PLXNA2: variants seen among roughly 807,000 people sequenced by gnomAD.
PLXNA2 encodes the protein plexin-A2.
PLXNA2 carries 91 observed loss-of-function variants against 193.5 expected under a neutral mutation model. The observed-to-expected ratio is 0.47, with a 90% CI of 0.40 to 0.56. The LOEUF (loss-of-function observed/expected upper bound fraction) is 0.56. PLXNA2 is among the 20% of genes least tolerant of loss of function. The probability of loss-of-function intolerance (pLI) is 0.00; values close to 1 mark genes in which losing one functional copy is unlikely to be tolerated. For synonymous variants in PLXNA2, 997 were observed against 1,027.3 expected, an observed-to-expected ratio of 0.97 and a Z score of 0.56; for missense variants, 1,995 against 2,503.2, an observed-to-expected ratio of 0.80 and a Z score of 4.33.
intron 4 of PLXNA2, among the ~76,000 whole-genome samples, chr1:208,118,040 A>G (rs564851484): frequency 1.3e-5 from 2 of 152,316 alleles, no homozygotes; most frequent in South Asian, 2.1e-4. Context: ...AAGAGACAGT[A>G]GGAGACAGCA....
intron 3 of PLXNA2, among the ~76,000 whole-genome samples, chr1:208,202,462 A>G (rs1670581567): frequency 6.6e-6 from 1 of 152,190 alleles, no homozygotes; most frequent in Non-Finnish European, 1.5e-5. Flanking sequence ...CTCAGAGGTC[A>G]CACAGCTAGT....
At chr1:208,071,799 G>A (rs1409016469) in intron 12 of PLXNA2, among the ~76,000 whole-genome samples, 2 of 152,308 alleles carry the variant, frequency 1.3e-5, no homozygotes, top group African/African-American at 2.4e-5. Context: ...TCAGAGTGCC[G>A]GCTTGTTTCT....
intron 3 of PLXNA2, among the ~76,000 whole-genome samples, chr1:208,181,163 T>C (rs994784656): frequency 6.6e-6 from 1 of 152,200 alleles, no homozygotes; most frequent in African/African-American, 2.4e-5. Context: ...TCAGAGAGGC[T>C]TCATGCTGGC....
In PLXNA2 at chr1:208,133,116, G is replaced by A. The variant is rs185796898; in HGVS notation, c.1506+9213C>T. On this transcript the variant is annotated intron_variant, in intron 4 of 31. Coordinates refer to ENST00000367033, the MANE Select transcript of PLXNA2 (RefSeq NM_025179.4). ...GGCTGCTCTTCACTAGAGAATCTCT[G>A]GATAAACCAGCTCTGGATTCTTGTG... Among the ~76,000 whole-genome samples the A allele has an allele frequency of 3.8e-3, 583 of 152,274 alleles. 4 individuals carry two copies. Among genetic ancestry groups the A allele is most frequent in the African/African-American group, 0.012 (501 of 41,540 alleles).
intron 4 of PLXNA2, among the ~76,000 whole-genome samples, chr1:208,127,113 T>C (rs1226927997): frequency 2.6e-5 from 4 of 152,144 alleles, no homozygotes; most frequent in Admixed American, 1.3e-4. Flanking sequence ...TTCTCCAAAT[T>C]TGAGGGAGGC....
At chr1:208,226,999 C>T (rs1050519207) in intron 1 of PLXNA2, among the ~76,000 whole-genome samples, 2 of 152,236 alleles carry the variant, frequency 1.3e-5, no homozygotes, top group African/African-American at 4.8e-5. Context: ...CCCACCTCTT[C>T]CCTGATTCTA....
rs1224511958 is a variant in PLXNA2 at position 208,039,678 on chromosome 1, G to A, written c.4443C>T (p.Ala1481=). Residue 1481 remains alanine (A), a synonymous_variant, in exon 24 of 32, where the codon GCC becomes GCT. Coordinates refer to ENST00000367033, the MANE Select transcript of PLXNA2 (RefSeq NM_025179.4). ...KGPIDAITGE[A]RYSLSEDKLI... Reference sequence around the variant, plus strand: ...GCTTGTCCTCGCTCAGGGAGTAGCGGGCCTCGCCCGTGATGGCATCAATGG... The same window carrying A: ...GCTTGTCCTCGCTCAGGGAGTAGCGAGCCTCGCCCGTGATGGCATCAATGG... 1.2e-6 allele frequency: 2 copies of A among 1,614,176 alleles called. No homozygotes were observed. Among genetic ancestry groups the A allele is most frequent in the Admixed American group, 3.3e-5 (2 of 60,024 alleles).
At chr1:208,059,992 A>C (rs1665564605) in intron 13 of PLXNA2, among the ~76,000 whole-genome samples, 1 of 152,112 alleles carries the variant, frequency 6.6e-6, no homozygotes, top group African/African-American at 2.4e-5. Flanking sequence ...GTGGAATCAG[A>C]ATGGTTTGAC....
chr1:208,138,957 G>A (rs1260509627), intron 4 of PLXNA2, among the ~76,000 whole-genome samples: 1 of 152,220 alleles, frequency 6.6e-6, no homozygotes, highest in African/African-American at 2.4e-5. Context: ...AACCCAGGAG[G>A]CGGAGGTTGC....
chr1:208,123,581 G>A (rs1571942238), intron 4 of PLXNA2, among the ~76,000 whole-genome samples: 2 of 152,160 alleles, frequency 1.3e-5, no homozygotes, highest in Admixed American at 6.5e-5. Context: ...AATGTTAAGA[G>A]ACAAATAAGG....
intron 12 of PLXNA2, among the ~76,000 whole-genome samples, chr1:208,070,397 C>T (rs955030223): frequency 6.6e-6 from 1 of 152,214 alleles, no homozygotes; most frequent in Admixed American, 6.5e-5. Context: ...ATCCACACTC[C>T]CCTCTTGGCC....
intron 26 of PLXNA2, among the ~76,000 whole-genome samples, chr1:208,036,123 T>A (rs1240009385): frequency 6.6e-6 from 1 of 152,192 alleles, no homozygotes; most frequent in Non-Finnish European, 1.5e-5. Context: ...ACTTGTCAGC[T>A]GTTGGTACCA....
intron 23 of PLXNA2, 94 bp downstream of exon 23, chr1:208,039,898 A>G (rs1664809468): frequency 6.3e-7 from 1 of 1,577,358 alleles, no homozygotes; most frequent in South Asian, 1.1e-5. Context: ...CCTGCTCCCG[A>G]GGGAGGGGGT....
At chr1:208,160,258 T>G (rs561596299) in intron 3 of PLXNA2, among the ~76,000 whole-genome samples, 1 of 152,336 alleles carries the variant, frequency 6.6e-6, no homozygotes, top group East Asian at 1.9e-4. Context: ...GGGAATTTAG[T>G]TGACAGCTGG....
chr1:208,113,248 G>A (rs1210697180), intron 4 of PLXNA2, among the ~76,000 whole-genome samples: 1 of 152,172 alleles, frequency 6.6e-6, no homozygotes, highest in Non-Finnish European at 1.5e-5. Flanking sequence ...AGGGGGAAAG[G>A]TGATGATGGC....
intron 12 of PLXNA2, among the ~76,000 whole-genome samples, chr1:208,065,701 C>T (rs80236937): frequency 1.1e-4 from 17 of 152,244 alleles, no homozygotes; most frequent in South Asian, 8.3e-4. Context: ...GCTCATGGGC[C>T]GTTTGGAGAA....
chr1:208,205,855 G>T (rs535959721), intron 3 of PLXNA2, among the ~76,000 whole-genome samples: 1 of 152,126 alleles, frequency 6.6e-6, no homozygotes, highest in Non-Finnish European at 1.5e-5. Flanking sequence ...TGCCCTCTGG[G>T]GCCACACTGA....
chr1:208,138,431 T>A (rs1332174728), intron 4 of PLXNA2, among the ~76,000 whole-genome samples: 1 of 152,224 alleles, frequency 6.6e-6, no homozygotes, highest in Non-Finnish European at 1.5e-5. Flanking sequence ...CTTACAATAT[T>A]TCCAACCTAC....
In PLXNA2 at chr1:208,038,530, A is replaced by G; in HGVS notation, c.4661-56T>C. The G allele has an allele frequency of 1.4e-6, 2 of 1,392,196 alleles. No individual in the cohort carries two copies. Among genetic ancestry groups the G allele is most frequent in the Middle Eastern group, 1.9e-4 (1 of 5,220 alleles). 86.2% of individuals were successfully genotyped at this position (1,392,196 alleles called of 1,614,324 possible). On this transcript the variant is annotated intron_variant, in intron 25 of 31. Transcript: ENST00000367033. This position sits in a 1 kb window ranked among gnomAD's most constrained non-coding sequence, Gnocchi z 4.1. The stretch of plus-strand genomic sequence containing the variant: ...GTGAGAGGGATGAGGGCTGTGAGCC[A>G]GTGTCTCCCGATTGCACCTTCTCTA...
Sources: gnomAD v4.1 joint callset for allele counts (sites outside exome capture counted in the v4.1 genomes callset) on GRCh38, gnomAD v4.1.1 for gene constraint, Gnocchi (gnomAD v3.1) non-coding constraint, MANE v1.5 for transcripts, NCBI Gene and HGNC (gene_info 2026-07-23, HGNC 2026-07-21) for gene names.